WWOX: variants seen among roughly 807,000 people sequenced by gnomAD.
The protein encoded by WWOX is WW domain containing oxidoreductase, also known as WW domain-containing oxidoreductase.
WWOX carries 69 observed loss-of-function variants against 46.2 expected under a neutral mutation model. That is an observed-to-expected ratio of 1.49 (90% confidence interval 1.23 to 1.82). The LOEUF (loss-of-function observed/expected upper bound fraction) is 1.82, where lower values mean the gene tolerates loss of function less well. WWOX is among the 40% of genes most tolerant of loss of function. WWOX has a pLI of 0.00. For missense variants in WWOX, 919 were observed against 542.6 expected, an observed-to-expected ratio of 1.69 and a Z score of -6.89; for synonymous variants, 359 against 202.6, an observed-to-expected ratio of 1.77 and a Z score of -6.56.
intron 8 of WWOX, among the ~76,000 whole-genome samples, chr16:78,503,406 C>T (rs1392643855): frequency 6.6e-6 from 1 of 152,006 alleles, no homozygotes; most frequent in Admixed American, 6.5e-5. Context: ...CCCCCCCATA[C>T]TCCAGATCTT....
At chr16:78,951,509 C>T (rs202058292) in intron 8 of WWOX, among the ~76,000 whole-genome samples, 1 of 104,080 alleles carries the variant, frequency 9.6e-6, no homozygotes, top group Non-Finnish European at 1.9e-5. Flanking sequence ...TATGAAGTAC[C>T]TCACAGTAAA....
At chr16:78,844,366 T>C (rs1246766667) in intron 8 of WWOX, among the ~76,000 whole-genome samples, 1 of 152,198 alleles carries the variant, frequency 6.6e-6, no homozygotes, top group Non-Finnish European at 1.5e-5. Context: ...ACCATATGCC[T>C]GGGATGGGAA....
intron 5 of WWOX, among the ~76,000 whole-genome samples, chr16:78,258,306 G>C (rs564292843): frequency 6.6e-6 from 1 of 152,078 alleles, no homozygotes; most frequent in Non-Finnish European, 1.5e-5. Flanking sequence ...CGTTTGGTGG[G>C]ACTAAAAAGG....
intron 8 of WWOX, among the ~76,000 whole-genome samples, chr16:79,072,956 C>A (rs1456580952): frequency 6.6e-6 from 1 of 152,062 alleles, no homozygotes; most frequent in East Asian, 1.9e-4. Flanking sequence ...GACTCCGGGT[C>A]ATTGACAAAC....
At chr16:79,076,429 C>A (rs1427442853) in intron 8 of WWOX, among the ~76,000 whole-genome samples, 1 of 152,182 alleles carries the variant, frequency 6.6e-6, no homozygotes, top group Non-Finnish European at 1.5e-5. Flanking sequence ...TATTGTGAAT[C>A]TATGGAAGAC....
intron 8 of WWOX, among the ~76,000 whole-genome samples, chr16:78,670,652 A>G (rs1390856788): frequency 6.6e-6 from 1 of 152,084 alleles, no homozygotes; most frequent in Non-Finnish European, 1.5e-5. Context: ...CTCATTTGGA[A>G]ATAAGGCCTT....
At chr16:79,037,730 G>A (rs894607355) in intron 8 of WWOX, among the ~76,000 whole-genome samples, 14 of 152,048 alleles carry the variant, frequency 9.2e-5, no homozygotes, top group Admixed American at 2.6e-4. Flanking sequence ...TGGAGAGGTT[G>A]GTTTTGTTTG....
chr16:78,692,447 G>A (rs976140380), intron 8 of WWOX, among the ~76,000 whole-genome samples: 3 of 152,128 alleles, frequency 2.0e-5, no homozygotes, highest in African/African-American at 4.8e-5. Context: ...AGGAATTACA[G>A]AAGAGTGATG....
chr16:78,902,579 A>T (rs1021142981), intron 8 of WWOX, among the ~76,000 whole-genome samples: 1 of 152,218 alleles, frequency 6.6e-6, no homozygotes, highest in South Asian at 2.1e-4. Flanking sequence ...GCCCGAGTAG[A>T]AAATCTGACA....
chr16:78,590,453 G>T (rs17640484), intron 8 of WWOX, among the ~76,000 whole-genome samples: 1 of 152,170 alleles, frequency 6.6e-6, no homozygotes, highest in Non-Finnish European at 1.5e-5. Context: ...TATTATTTGA[G>T]CTGCTCACTG....
intron 8 of WWOX, among the ~76,000 whole-genome samples, chr16:78,653,677 G>GA (rs1157967495): frequency 6.6e-6 from 1 of 152,218 alleles, no homozygotes; most frequent in Admixed American, 6.5e-5. Flanking sequence ...CAAGTGGAAA[G>GA]AACCTGGGTG....
chr16:78,661,295 T>G (rs548833793), intron 8 of WWOX, among the ~76,000 whole-genome samples: 2 of 152,284 alleles, frequency 1.3e-5, no homozygotes, highest in East Asian at 3.9e-4. Flanking sequence ...GTCCCACAAG[T>G]CAGCAATCAG....
intron 8 of WWOX, among the ~76,000 whole-genome samples, chr16:79,038,353 C>T (rs1171112028): frequency 6.6e-6 from 1 of 151,794 alleles, no homozygotes; most frequent in African/African-American, 2.4e-5. Context: ...GCTTATGATA[C>T]AACATTAGGT....
intron 8 of WWOX, among the ~76,000 whole-genome samples, chr16:78,978,971 A>G (rs1284871727): frequency 6.6e-6 from 1 of 151,522 alleles, no homozygotes; most frequent in Non-Finnish European, 1.5e-5. Flanking sequence ...TCTCCCCTAC[A>G]CCTTGAAGCA....
At chr16:78,875,840 C>T (rs947137162) in intron 8 of WWOX, among the ~76,000 whole-genome samples, 8 of 152,230 alleles carry the variant, frequency 5.3e-5, no homozygotes, top group African/African-American at 1.7e-4. Context: ...GCATCTCATT[C>T]GTTTTTTAAA....
Position 78,147,688 on chromosome 16 carries a change from TTTTTTTTTAAAA to T in WWOX, c.410-16494_410-16483del, listed in dbSNP as rs1425798827. On this transcript the variant is annotated intron_variant, in intron 4 of 8. Coordinates refer to ENST00000566780, the MANE Select transcript of WWOX (RefSeq NM_016373.4). ...TTTTCTTTCTTCCTTTTTTTTTTTT[TTTTTTTTTAAAA>T]AAAAAAAAGGTGCTTGAATTAGAAA... is the stretch of plus-strand genomic sequence containing the variant. Among the ~76,000 whole-genome samples the T allele has an allele frequency of 5.5e-5, 7 of 126,246 alleles. No individual in the cohort carries two copies. The East Asian group carries it at 1.6e-3, about 30-fold the overall frequency. 82.8% of individuals were successfully genotyped at this position (126,246 alleles called of 152,430 possible).
At chr16:78,375,823 C>G (rs1458990653) in intron 5 of WWOX, among the ~76,000 whole-genome samples, 2 of 151,060 alleles carry the variant, frequency 1.3e-5, no homozygotes, top group Admixed American at 6.6e-5. Flanking sequence ...AATAATATTA[C>G]CGGAGAAACA....
intron 8 of WWOX, among the ~76,000 whole-genome samples, chr16:78,819,743 C>T (rs887533599): frequency 1.3e-5 from 2 of 152,190 alleles, no homozygotes; most frequent in Non-Finnish European, 2.9e-5. Flanking sequence ...GCCTGCCCTG[C>T]ATCACCAGCA....
chr16:79,039,457 C>G (rs530463349), intron 8 of WWOX, among the ~76,000 whole-genome samples: 1 of 152,136 alleles, frequency 6.6e-6, no homozygotes, highest in Non-Finnish European at 1.5e-5. Context: ...CTGGGCACAG[C>G]TGTGCAGAAC....
Sources: allele counts gnomAD v4.1 joint callset (sites outside exome capture counted in the v4.1 genomes callset), GRCh38; gene constraint gnomAD v4.1.1; transcripts MANE v1.5; gene names NCBI Gene and HGNC (gene_info 2026-07-23, HGNC 2026-07-21).